Variants in JAZF1 observed in about 807,000 individuals in gnomAD.
The protein encoded by JAZF1 is juxtaposed with another zinc finger protein 1.
A neutral mutation model predicts 26.4 loss-of-function variants in JAZF1; 8 were observed. That is an observed-to-expected ratio of 0.30 (90% CI 0.18 to 0.55). The LOEUF is 0.55. JAZF1 is among the 20% of genes least tolerant of loss of function. The pLI, the probability that JAZF1 is intolerant of heterozygous loss-of-function variation, is 0.94. For synonymous variants in JAZF1, 126 were observed against 122.3 expected, an observed-to-expected ratio of 1.03 and a Z score of -0.20; for missense variants, 199 against 322.0, an observed-to-expected ratio of 0.62 and a Z score of 2.92.
chr7:27,853,790 C>G (rs145141978), intron 3 of JAZF1, among the ~76,000 whole-genome samples: 1 of 152,068 alleles, frequency 6.6e-6, no homozygotes, highest in Non-Finnish European at 1.5e-5. Flanking sequence ...TATTTTACTA[C>G]CAATTATGTG....
At chr7:28,020,482 AG>A (rs1207590294) in intron 1 of JAZF1, 2 of 428,428 alleles carry the variant, frequency 4.7e-6, no homozygotes, top group Admixed American at 5.0e-5. Context: ...TGGAAGCAGG[AG>A]TTGAAGCCTA....
chr7:27,880,888 GA>G (rs1405124764), intron 3 of JAZF1, among the ~76,000 whole-genome samples: 1 of 152,166 alleles, frequency 6.6e-6, no homozygotes, highest in African/African-American at 2.4e-5. Flanking sequence ...GGCTGGTCCT[GA>G]ACTCCTGGGC....
At chr7:28,092,321 A>AAAAAAAAAAAAAAAAAAT (rs1784314678) in intron 1 of JAZF1, among the ~76,000 whole-genome samples, 1 of 141,552 alleles carries the variant, frequency 7.1e-6, no homozygotes, top group Non-Finnish European at 1.5e-5. Flanking sequence ...AAAAAAAAAA[A>AAAAAAAAAAAAAAAAAAT]AAAAACAACT....
At chr7:28,093,182 C>T (rs1171884094) in intron 1 of JAZF1, among the ~76,000 whole-genome samples, 1 of 152,216 alleles carries the variant, frequency 6.6e-6, no homozygotes, top group Non-Finnish European at 1.5e-5. Context: ...AAATCTCATA[C>T]TGAATTGTAG....
At chr7:28,013,472 G>A (rs1003084852) in intron 1 of JAZF1, among the ~76,000 whole-genome samples, 3 of 152,130 alleles carry the variant, frequency 2.0e-5, no homozygotes, top group African/African-American at 7.2e-5. Context: ...GGGGTTGGGG[G>A]GGTAGGGCAG....
chr7:27,930,836 A>T (rs535185399), intron 2 of JAZF1, among the ~76,000 whole-genome samples: 329 of 150,518 alleles, frequency 2.2e-3, no homozygotes, highest in African/African-American at 4.7e-3. Context: ...TTTTTTTTAA[A>T]AAAAAAAGGA....
At chr7:28,127,188 A>G (rs1782710331) in intron 1 of JAZF1, among the ~76,000 whole-genome samples, 1 of 152,190 alleles carries the variant, frequency 6.6e-6, no homozygotes, top group South Asian at 2.1e-4. Flanking sequence ...GGCAAGGGAA[A>G]ATGGACAGAC....
intron 1 of JAZF1, among the ~76,000 whole-genome samples, chr7:28,097,790 T>A (rs139787523): frequency 6.6e-6 from 1 of 152,160 alleles, no homozygotes. Context: ...TCATTTTGCA[T>A]GTAGAAATGG....
chr7:27,978,885 G>C (rs1785522582), intron 2 of JAZF1, among the ~76,000 whole-genome samples: 1 of 151,720 alleles, frequency 6.6e-6, no homozygotes, highest in Non-Finnish European at 1.5e-5. Context: ...GTGTGTATGT[G>C]TGTGTGTTTT....
intron 3 of JAZF1, among the ~76,000 whole-genome samples, chr7:27,845,305 C>T (rs1193318354): frequency 1.3e-5 from 2 of 152,214 alleles, no homozygotes; most frequent in African/African-American, 2.4e-5. Flanking sequence ...TTAGCAAGCT[C>T]TGCTGGGGAA....
intron 1 of JAZF1, among the ~76,000 whole-genome samples, chr7:28,031,487 G>A (rs894355622): frequency 2.6e-5 from 4 of 152,204 alleles, no homozygotes; most frequent in African/African-American, 9.6e-5. Flanking sequence ...CAGAGAGCAG[G>A]AGGAATGTAG....
rs143664061 is a variant in JAZF1 at position 27,927,903 on chromosome 7, G to T, written c.189-32487C>A. On this transcript the variant is annotated intron_variant, in intron 2 of 4. Coordinates refer to ENST00000283928, the MANE Select transcript of JAZF1 (RefSeq NM_175061.4). ...CCAAATCAATTTTCAGGAACCCTAT[G>T]ATGAAAACGTCTCATTTTACATGTA... is the stretch of plus-strand genomic sequence containing the variant. Among the ~76,000 whole-genome samples the T allele has an allele frequency of 3.7e-3, 567 of 152,230 alleles. 2 individuals carry two copies. The highest frequency in any genetic ancestry group is 0.013 in the African/African-American group (536 of 41,520).
At chr7:27,929,535 C>T (rs560004201) in intron 2 of JAZF1, among the ~76,000 whole-genome samples, 2 of 152,334 alleles carry the variant, frequency 1.3e-5, no homozygotes, top group South Asian at 4.1e-4. Flanking sequence ...GTTACAAGCA[C>T]TTTAGCTTAT....
At chr7:28,165,374 A>T (rs996035558) in intron 1 of JAZF1, among the ~76,000 whole-genome samples, 1 of 152,208 alleles carries the variant, frequency 6.6e-6, no homozygotes, top group African/African-American at 2.4e-5. Context: ...AGTGCCAGTT[A>T]GGGCTTCTCA....
intron 3 of JAZF1, among the ~76,000 whole-genome samples, chr7:27,894,888 C>A (rs1340049743): frequency 6.6e-6 from 1 of 152,000 alleles, no homozygotes; most frequent in South Asian, 2.1e-4. Flanking sequence ...AGAAAACGTT[C>A]ATAATATATT....
rs187021783 is a variant in JAZF1 at position 28,041,235 on chromosome 7, A to G, written c.116-49254T>C. On this transcript the variant is annotated intron_variant, in intron 1 of 4. Transcript: ENST00000283928. The stretch of plus-strand genomic sequence containing the variant: ...TGAGCCCAGTTCTGTGCATGTCTGC[A>G]TGGGTGTGAGTGCACGAGTGTGTAT... Among the ~76,000 whole-genome samples, 7 of 152,256 alleles carry G rather than the reference A, an allele frequency of 4.6e-5. No individual in the cohort carries two copies. In the East Asian group the frequency reaches 1.4e-3, roughly 29 times the overall value.
At chr7:27,965,256 C>CA (rs1291185122) in intron 2 of JAZF1, among the ~76,000 whole-genome samples, 1 of 152,076 alleles carries the variant, frequency 6.6e-6, no homozygotes, top group Non-Finnish European at 1.5e-5. Context: ...AATAAGCAAA[C>CA]AAAAAATCAG....
chr7:28,041,127 T>A (rs1046201692), intron 1 of JAZF1, among the ~76,000 whole-genome samples: 2 of 151,830 alleles, frequency 1.3e-5, no homozygotes, highest in African/African-American at 4.8e-5. Flanking sequence ...TCAGAGAGAG[T>A]ATTTGGAGAA....
intron 3 of JAZF1, among the ~76,000 whole-genome samples, chr7:27,874,011 GTCTTTC>G (rs1370620769): frequency 1.3e-5 from 2 of 152,268 alleles, no homozygotes; most frequent in African/African-American, 4.8e-5. Flanking sequence ...ATCATAAGCA[GTCTTTC>G]TCCTTGGTCA....
Sources: allele counts gnomAD v4.1 joint callset (sites outside exome capture counted in the v4.1 genomes callset), GRCh38; gene constraint gnomAD v4.1.1; transcripts MANE v1.5; gene names NCBI Gene and HGNC (gene_info 2026-07-23, HGNC 2026-07-21).